The following SLC14A2 variants were observed in gnomAD, a reference collection of about 807,000 sequenced individuals.
SLC14A2 encodes solute carrier family 14 member 2.
In SLC14A2, 91 loss-of-function variants were observed where a neutral mutation model predicts 104.6. The ratio of observed to expected loss-of-function variants is 0.87; its 90% CI spans 0.73 to 1.04. The LOEUF is 1.04. Among genes scored for constraint, SLC14A2 ranks in the 50% least tolerant of loss-of-function variants. SLC14A2 has a pLI of 0.00. For missense variants in SLC14A2, 1,189 were observed against 1,156.0 expected, an observed-to-expected ratio of 1.03 and a Z score of -0.41; for synonymous variants, 476 against 466.4, an observed-to-expected ratio of 1.02 and a Z score of -0.27.
In SLC14A2 at chr18:45,641,301, T is replaced by C. The variant is rs1300930866; in HGVS notation, c.1084T>C (p.Tyr362His). Residue 362 changes from tyrosine to histidine, a missense_variant, in exon 8 of 20, where the codon TAT (tyrosine) becomes CAT (histidine). By Grantham distance (83) the Tyr-to-His change is moderately conservative (BLOSUM62 2). Coordinates refer to ENST00000255226, the MANE Select transcript of SLC14A2 (RefSeq NM_007163.4). ...CTGCATCGCCATCGGAGGCATGTTC[T>C]ATGCCCTCACCTGGCAGACTCACCT... The part of the protein sequence containing the change: ...LSCIAIGGMF[Y>H]ALTWQTHLLA... 1.9e-6 allele frequency: 3 copies of C among 1,614,094 alleles called. No individual in the cohort carries two copies. The highest frequency in any genetic ancestry group is 1.7e-5 in the Admixed American group (1 of 60,008).
chr18:45,201,935 T>C, the SLC14A2 span, among the ~76,000 whole-genome samples: 2 of 152,144 alleles, frequency 1.3e-5, no homozygotes, highest in African/African-American at 4.8e-5. Context: ...TCACCCTTAA[T>C]TGGCAATTCA....
chr18:45,253,094 C>T lies in SLC14A2; in HGVS notation c.-125+39903C>T, dbSNP rs901756004. Among the ~76,000 whole-genome samples the T allele has an allele frequency of 5.3e-5, 8 of 152,110 alleles. No individual in the cohort carries two copies. The East Asian group carries it at 9.6e-4, about 18-fold the overall frequency. On this transcript the variant is annotated intron_variant, in intron 1 of 20. Transcript: ENST00000586448. ...TCCAATTCTTAATCCCTTCTGCATCCGAATCACCCAGAGGATATGTTAAAA... is the reference window on the plus strand; with the variant it reads ...TCCAATTCTTAATCCCTTCTGCATCTGAATCACCCAGAGGATATGTTAAAA...
chr18:45,304,643 T>C (rs1479251707), intron 1 of SLC14A2, among the ~76,000 whole-genome samples: 1 of 152,206 alleles, frequency 6.6e-6, no homozygotes, highest in Non-Finnish European at 1.5e-5. Flanking sequence ...GATCATTCTT[T>C]AAGCAATGAA....
rs1346653592 is a variant in SLC14A2, at chr18:45,666,143, G to A, written c.1481G>A (p.Gly494Glu). ...TCTTTCCTTCTAACTCCAGTGTTTG[G>A]AAAAGGCGAACACCAGGAAAGACAA... is the stretch of plus-strand genomic sequence containing the variant. ...SSIRRRSKVF[G>E]KGEHQERQNK... The change falls in exon 12 of 20, where the codon GGA (glycine) becomes GAA (glutamate). Residue 494 changes from glycine to glutamate, a missense_variant. Gly to Glu is a moderately conservative substitution (Grantham distance 98). Coordinates refer to ENST00000255226, the MANE Select transcript of SLC14A2 (RefSeq NM_007163.4). The A allele has an allele frequency of 1.2e-6, 2 of 1,613,266 alleles. No individual in the cohort carries two copies. Among genetic ancestry groups the A allele is most frequent in the Admixed American group, 1.7e-5 (1 of 60,004 alleles).
At chr18:45,677,561 A>G (rs1291333069) in intron 18 of SLC14A2, among the ~76,000 whole-genome samples, 1 of 152,244 alleles carries the variant, frequency 6.6e-6, no homozygotes, top group Non-Finnish European at 1.5e-5. Flanking sequence ...AGCTGTTGTC[A>G]GGATCAAATT....
chr18:45,373,958 G>T (rs1359853042), intron 1 of SLC14A2, among the ~76,000 whole-genome samples: 1 of 152,182 alleles, frequency 6.6e-6, no homozygotes, highest in African/African-American at 2.4e-5. Flanking sequence ...AAATACTGTT[G>T]CTAAAAAGGA....
chr18:45,169,217 G>A, the SLC14A2 span: 50 of 152,292 alleles, frequency 3.3e-4, no homozygotes, highest in African/African-American at 1.2e-3. Flanking sequence ...CCAATTAATA[G>A]CCACAAGGTA....
At chr18:45,371,864 TGTG>T (rs142586261) in intron 1 of SLC14A2, among the ~76,000 whole-genome samples, 2 of 152,334 alleles carry the variant, frequency 1.3e-5, no homozygotes, top group East Asian at 3.9e-4. Context: ...TTGACGAGTA[TGTG>T]TACCAGGATA....
the SLC14A2 span, among the ~76,000 whole-genome samples, chr18:45,182,298 G>A: frequency 0.011 from 1,604 of 151,868 alleles, 11 homozygotes; most frequent in Non-Finnish European, 0.017. Flanking sequence ...GATAGGATAA[G>A]AGACACAGTA....
intron 2 of SLC14A2, among the ~76,000 whole-genome samples, chr18:45,550,503 G>T (rs2044041755): frequency 6.6e-6 from 1 of 152,214 alleles, no homozygotes; most frequent in South Asian, 2.1e-4. Context: ...AAGGTAGGGA[G>T]TGTGGCGTAT....
rs115167755 is a variant in SLC14A2, at chr18:45,674,742, G to T, written c.2512+925G>T. Among the ~76,000 whole-genome samples, 680 of 152,218 alleles carry T rather than the reference G, an allele frequency of 4.5e-3. 6 individuals carry two copies. The highest frequency in any genetic ancestry group is 0.016 in the African/African-American group (650 of 41,534). On this transcript the variant is annotated intron_variant, in intron 18 of 19. Coordinates refer to ENST00000255226, the MANE Select transcript of SLC14A2 (RefSeq NM_007163.4). The stretch of plus-strand genomic sequence containing the variant: ...ATTCTCAAGGTTGGTATTACTATTC[G>T]TATTTTGCAAACGAGGAAAAGTTGT...
At chr18:45,174,399 AACT>A in the SLC14A2 span, among the ~76,000 whole-genome samples, 58 of 152,206 alleles carry the variant, frequency 3.8e-4, no homozygotes, top group African/African-American at 1.4e-3. Flanking sequence ...CCATTTTCCT[AACT>A]ACTATCTTGA....
intron 2 of SLC14A2, among the ~76,000 whole-genome samples, chr18:45,487,523 G>A (rs533641383): frequency 1.6e-4 from 24 of 152,356 alleles, no homozygotes; most frequent in African/African-American, 5.0e-4. Flanking sequence ...GAAAGATGGT[G>A]AGTCAGTAGA....
chr18:45,392,619 C>G (rs1313912176), intron 1 of SLC14A2, among the ~76,000 whole-genome samples: 2 of 152,180 alleles, frequency 1.3e-5, no homozygotes, highest in African/African-American at 2.4e-5. Context: ...TTTTGTGTAA[C>G]TATACACTTT....
chr18:45,215,424 G>GA (rs560117452), intron 1 of SLC14A2, among the ~76,000 whole-genome samples: 68 of 148,834 alleles, frequency 4.6e-4, no homozygotes, highest in Middle Eastern at 3.5e-3. Context: ...GCCCTAGTCA[G>GA]AAAAAAAAAG....
At chr18:45,493,333 G>A (rs980269490) in intron 2 of SLC14A2, 1 of 152,228 alleles carries the variant, frequency 6.6e-6, no homozygotes, top group Non-Finnish European at 1.5e-5. Context: ...AGAATGGGAT[G>A]GGGCAGAGGA....
chr18:45,299,049 C>A (rs150682838), intron 1 of SLC14A2, among the ~76,000 whole-genome samples: 1 of 151,878 alleles, frequency 6.6e-6, no homozygotes, highest in Non-Finnish European at 1.5e-5. Context: ...TTTTGTTTTG[C>A]AAATTAGATT....
chr18:45,483,874 A>G (rs990047725), intron 2 of SLC14A2, among the ~76,000 whole-genome samples: 2 of 152,194 alleles, frequency 1.3e-5, no homozygotes, highest in East Asian at 1.9e-4. Flanking sequence ...TTCTATACTT[A>G]TATTAAGCAC....
chr18:45,170,809 G>A, the SLC14A2 span, among the ~76,000 whole-genome samples: 18 of 152,262 alleles, frequency 1.2e-4, no homozygotes, highest in South Asian at 2.1e-4. Context: ...AGGAAAAGGC[G>A]GCCCATGTTT....
Sources: allele counts gnomAD v4.1 joint callset (sites outside exome capture counted in the v4.1 genomes callset), GRCh38; gene constraint gnomAD v4.1.1; transcripts MANE v1.5; gene names NCBI Gene and HGNC (gene_info 2026-07-23, HGNC 2026-07-21).